DRC11L: variants seen among roughly 807,000 people sequenced by gnomAD.
DRC11L encodes dynein regulatory complex subunit 11 like, also known as dynein regulatory complex subunit like-11.
At chr7:151,199,029 GGGCTCA>G in the DRC11L span, 1 of 398,948 alleles carries the variant, frequency 2.5e-6, no homozygotes, top group Non-Finnish European at 4.4e-6. The surrounding 1 kb of genome is among the most constrained non-coding windows in gnomAD (Gnocchi z 5.2). Context: ...AGAGGCTGAG[GGGCTCA>G]GGAGTGGGAG....
chr7:151,194,247 G>A, the DRC11L span: 2 of 399,042 alleles, frequency 5.0e-6, no homozygotes, highest in Non-Finnish European at 4.4e-6. Context: ...CACCCCCAGA[G>A]CCTCTCACCA....
the DRC11L span, among the ~76,000 whole-genome samples, chr7:151,203,712 G>T: frequency 6.6e-6 from 1 of 152,116 alleles, no homozygotes; most frequent in African/African-American, 2.4e-5. Context: ...CCTCTGGCTG[G>T]AGTTGAATTC....
chr7:151,204,275 A>G, the DRC11L span, among the ~76,000 whole-genome samples: 2 of 152,100 alleles, frequency 1.3e-5, no homozygotes, highest in East Asian at 3.9e-4. Context: ...TACAAGGCCA[A>G]ACCCCATCCT....
chr7:151,191,276 C>A, the DRC11L span, among the ~76,000 whole-genome samples: 1 of 152,148 alleles, frequency 6.6e-6, no homozygotes, highest in Non-Finnish European at 1.5e-5. Context: ...TCTTAGTGGG[C>A]AAGCCCTCTT....
the DRC11L span, among the ~76,000 whole-genome samples, chr7:151,201,448 C>A: frequency 5.2e-3 from 789 of 152,338 alleles, 6 homozygotes; most frequent in African/African-American, 0.018. This position sits in a 1 kb window ranked among gnomAD's most constrained non-coding sequence, Gnocchi z 4.1. Context: ...GACTTCTTTG[C>A]TTTAGTGAGC....
At chr7:151,204,112 C>T in the DRC11L span, among the ~76,000 whole-genome samples, 1 of 152,158 alleles carries the variant, frequency 6.6e-6, no homozygotes, top group African/African-American at 2.4e-5. Flanking sequence ...GGTCCAGGGA[C>T]CACACTTTGA....
the DRC11L span, among the ~76,000 whole-genome samples, chr7:151,194,950 A>G: frequency 1.3e-5 from 2 of 152,180 alleles, no homozygotes; most frequent in African/African-American, 2.4e-5. Context: ...CTTAGAAACT[A>G]CATTTAAGAC....
the DRC11L span, among the ~76,000 whole-genome samples, chr7:151,194,935 C>G: frequency 0.039 from 5,998 of 152,258 alleles, 154 homozygotes; most frequent in East Asian, 0.077. Flanking sequence ...AAGCATTGCC[C>G]TCTTCTTAGA....
chr7:151,203,372 G>T, the DRC11L span: 1 of 399,424 alleles, frequency 2.5e-6, no homozygotes, highest in South Asian at 1.3e-4. Context: ...GGAAGAGTCT[G>T]GGAGGGTGTC....
At chr7:151,201,512 C>T in the DRC11L span, among the ~76,000 whole-genome samples, 31 of 152,336 alleles carry the variant, frequency 2.0e-4, no homozygotes, top group African/African-American at 7.2e-4. The surrounding 1 kb of genome is among the most constrained non-coding windows in gnomAD (Gnocchi z 4.1). Flanking sequence ...CATCCTGCCT[C>T]AGACCAGCAT....
At chr7:151,198,753 G>A in the DRC11L span, 5 of 398,882 alleles carry the variant, frequency 1.3e-5, no homozygotes, top group Non-Finnish European at 1.8e-5. Flanking sequence ...GACCCTGAGC[G>A]AAGGGAATGA....
At chr7:151,196,927 C>A in the DRC11L span, 2 of 399,096 alleles carry the variant, frequency 5.0e-6, no homozygotes, top group African/African-American at 4.1e-5. Context: ...ACCCAGGGCC[C>A]CAGGTCCCAC....
At chr7:151,200,123 G>T in the DRC11L span, among the ~76,000 whole-genome samples, 2 of 152,122 alleles carry the variant, frequency 1.3e-5, no homozygotes, top group East Asian at 1.9e-4. Flanking sequence ...TGGGGTCCAG[G>T]ATGCTCTACA....
At chr7:151,194,241 C>T in the DRC11L span, 6 of 398,926 alleles carry the variant, frequency 1.5e-5, no homozygotes, top group Non-Finnish European at 2.2e-5. Context: ...TCCTCACACC[C>T]CCAGAGCCTC....
chr7:151,200,019 C>T, the DRC11L span, among the ~76,000 whole-genome samples: 3,349 of 152,330 alleles, frequency 0.022, 45 homozygotes, highest in Non-Finnish European at 0.037. Flanking sequence ...CTGCCAGAGG[C>T]TTGTGGGGGG....
chr7:151,195,137 G>A, the DRC11L span, among the ~76,000 whole-genome samples: 8 of 152,294 alleles, frequency 5.3e-5, no homozygotes, highest in Non-Finnish European at 1.0e-4. Context: ...TTAAGGCAAA[G>A]GTTGGAGGAA....
the DRC11L span, chr7:151,196,560 C>A: frequency 2.5e-6 from 1 of 399,704 alleles, no homozygotes; most frequent in Non-Finnish European, 4.4e-6. Flanking sequence ...TGTATCTGAC[C>A]GCAGAGAATG....
At chr7:151,200,566 G>A in the DRC11L span, 1 of 398,010 alleles carries the variant, frequency 2.5e-6, no homozygotes, top group Non-Finnish European at 4.4e-6. Flanking sequence ...GATTTCCGGT[G>A]GGGTGGGGAG....
chr7:151,198,884 C>T, the DRC11L span: 1 of 399,152 alleles, frequency 2.5e-6, no homozygotes. Flanking sequence ...AATCATGGGC[C>T]TTCACCATTG....
Sources: gnomAD v4.1 joint callset for allele counts (sites outside exome capture counted in the v4.1 genomes callset) on GRCh38, gnomAD v4.1.1 for gene constraint, Gnocchi (gnomAD v3.1) non-coding constraint, MANE v1.5 for transcripts, NCBI Gene and HGNC (gene_info 2026-07-23, HGNC 2026-07-21) for gene names.